The following SMPX variants were observed in gnomAD, a reference collection of about 807,000 sequenced individuals.
SMPX encodes small muscular protein.
SMPX carries 2 observed loss-of-function variants against 6.3 expected under a neutral mutation model. The observed-to-expected ratio is 0.32, with a 90% CI of 0.13 to 0.99. The LOEUF is 0.99. Among genes scored for constraint, SMPX ranks in the 50% least tolerant of loss-of-function variants. The probability of loss-of-function intolerance (pLI) is 0.49; values close to 1 mark genes in which losing one functional copy is unlikely to be tolerated. For synonymous variants in SMPX, 32 were observed against 24.7 expected (o/e 1.30, Z -0.88); for missense variants, 60 against 66.8 (o/e 0.90, Z 0.36).
At chrX:21,715,049 C>G (rs778949298) in intron 4 of SMPX, among the ~76,000 whole-genome samples, 108 of 111,018 alleles carry the variant, frequency 9.7e-4, no homozygotes, top group African/African-American at 3.2e-3. Flanking sequence ...TAAATCAATG[C>G]CTTCATTTTT....
intron 4 of SMPX, among the ~76,000 whole-genome samples, chrX:21,717,050 G>A (rs1233826728): frequency 3.6e-5 from 4 of 111,824 alleles, no homozygotes; most frequent in Non-Finnish European, 7.5e-5. Flanking sequence ...CGCTGTACCT[G>A]TTTACAATAT....
intron 4 of SMPX, among the ~76,000 whole-genome samples, chrX:21,713,312 G>A (rs1420530685): frequency 1.8e-5 from 2 of 112,086 alleles, no homozygotes; most frequent in Non-Finnish European, 3.8e-5. Context: ...GCTAGCTATC[G>A]GCTGATCCAG....
intron 2 of SMPX, among the ~76,000 whole-genome samples, chrX:21,745,037 A>T (rs764603901): frequency 7.2e-5 from 8 of 111,303 alleles, no homozygotes; most frequent in African/African-American, 2.3e-4. Context: ...CAGGAGCAGG[A>T]GGTGACTTTT....
intron 2 of SMPX, among the ~76,000 whole-genome samples, chrX:21,752,131 T>A (rs1359318848): frequency 8.9e-6 from 1 of 112,273 alleles, no homozygotes; most frequent in Admixed American, 9.4e-5. Context: ...TAATGCGGTA[T>A]AATAACGGCT....
intron 4 of SMPX, among the ~76,000 whole-genome samples, chrX:21,731,699 A>AATGTGTACATGTACACATAAATGTGTAT (rs1569306688): frequency 1.3e-4 from 12 of 90,014 alleles, no homozygotes; most frequent in African/African-American, 4.6e-4. Flanking sequence ...TGTACACATA[A>AATGTGTACATGTACACATAAATGTGTAT]ATGTGTATAT....
Position 21,737,646 on chromosome X carries a change from T to C in SMPX, c.184A>G (p.Lys62Glu). ...AGATTGACTGCAGGTCCTGGAAGTT[T>C]CTTCGCTCCTGGAATTGGCTTCTTC... ...EEKKPIPGAK[K>E]LPGPAVNLSE... The change falls in exon 4 of 5, where the codon AAA becomes GAA. Residue 62 changes from lysine to glutamate, a missense_variant. Transcript: ENST00000379494. 1 of 1,209,114 alleles carries C rather than the reference T, an allele frequency of 8.3e-7. No individual in the cohort carries two copies. Among genetic ancestry groups the C allele is most frequent in the Non-Finnish European group, 1.1e-6 (1 of 892,800 alleles).
intron 4 of SMPX, among the ~76,000 whole-genome samples, chrX:21,736,894 G>A (rs2092811062): frequency 9.0e-6 from 1 of 111,190 alleles, no homozygotes; most frequent in Admixed American, 9.5e-5. Flanking sequence ...GCCAGGTGGA[G>A]GGTTGTCTGA....
chrX:21,724,276 C>A (rs2092794698), intron 4 of SMPX, among the ~76,000 whole-genome samples: 1 of 111,890 alleles, frequency 8.9e-6, no homozygotes, highest in African/African-American at 3.3e-5. Flanking sequence ...TGTTTGCCAC[C>A]TGATCTTTCT....
chrX:21,730,350 C>T (rs994290166), intron 4 of SMPX, among the ~76,000 whole-genome samples: 3 of 111,875 alleles, frequency 2.7e-5, no homozygotes, highest in Admixed American at 9.5e-5. Flanking sequence ...GGCTGCAAAG[C>T]AACATGAAAA....
At chrX:21,725,945 G>A (rs1320795219) in intron 4 of SMPX, among the ~76,000 whole-genome samples, 2 of 111,928 alleles carry the variant, frequency 1.8e-5, no homozygotes, top group African/African-American at 6.5e-5. Context: ...GAAGCAAGGG[G>A]CAGAGGGCAG....
intron 2 of SMPX, among the ~76,000 whole-genome samples, chrX:21,746,559 A>G (rs2092821636): frequency 9.0e-6 from 1 of 111,437 alleles, no homozygotes; most frequent in Non-Finnish European, 1.9e-5. Flanking sequence ...ACCAAAGAAA[A>G]GCCACATTGA....
At chrX:21,707,528 T>C (rs1336415278) in intron 4 of SMPX, among the ~76,000 whole-genome samples, 2 of 112,208 alleles carry the variant, frequency 1.8e-5, no homozygotes, top group African/African-American at 3.2e-5. Flanking sequence ...TTTGCATTCA[T>C]GGCTCCTGTT....
At chrX:21,706,657 C>G (rs746465887) in intron 4 of SMPX, among the ~76,000 whole-genome samples, 2 of 111,039 alleles carry the variant, frequency 1.8e-5, no homozygotes, top group Non-Finnish European at 3.8e-5. Flanking sequence ...TACAATAGAT[C>G]CGATATGGTT....
chrX:21,707,013 C>T (rs764923060), intron 4 of SMPX, among the ~76,000 whole-genome samples: 1 of 108,456 alleles, frequency 9.2e-6, no homozygotes, highest in Non-Finnish European at 1.9e-5. Context: ...AGCACGAGAA[C>T]GGACTAATAC....
chrX:21,715,312 G>A (rs867136199), intron 4 of SMPX, among the ~76,000 whole-genome samples: 151 of 104,335 alleles, frequency 1.4e-3, no homozygotes, highest in African/African-American at 5.6e-3. Context: ...GTGCGCGCAC[G>A]CGCGCGCGCT....
At chrX:21,752,480 C>T (rs1358103493) in intron 2 of SMPX, among the ~76,000 whole-genome samples, 2 of 111,316 alleles carry the variant, frequency 1.8e-5, no homozygotes, top group African/African-American at 3.3e-5. Flanking sequence ...ACACTCAATG[C>T]GTGCTTGCTA....
chrX:21,715,296 GTGTGTGTGCGCGCA>G (rs1330246799), intron 4 of SMPX, among the ~76,000 whole-genome samples: 13 of 101,245 alleles, frequency 1.3e-4, no homozygotes, highest in African/African-American at 5.8e-4. Flanking sequence ...GTGTGTGTGT[GTGTGTGTGCGCGCA>G]CGCGCGCGCG....
At chrX:21,736,350 G>A (rs914217904) in intron 4 of SMPX, among the ~76,000 whole-genome samples, 2 of 111,718 alleles carry the variant, frequency 1.8e-5, no homozygotes, top group Non-Finnish European at 3.8e-5. Context: ...CAGAAAGCAT[G>A]CAATCCATCT....
intron 4 of SMPX, among the ~76,000 whole-genome samples, chrX:21,720,343 C>T (rs1462286770): frequency 8.9e-6 from 1 of 112,036 alleles, no homozygotes; most frequent in Non-Finnish European, 1.9e-5. Flanking sequence ...CAGTCATCAC[C>T]AATTAGCCAG....
Sources: gnomAD v4.1 joint callset for allele counts (sites outside exome capture counted in the v4.1 genomes callset) on GRCh38, gnomAD v4.1.1 for gene constraint, MANE v1.5 for transcripts, NCBI Gene and HGNC (gene_info 2026-07-23, HGNC 2026-07-21) for gene names.